Variants in WNT9A observed in about 807,000 individuals in gnomAD.
WNT9A encodes the protein protein Wnt-9a.
In WNT9A, 8 loss-of-function variants were observed where a neutral mutation model predicts 31.4. The observed-to-expected ratio is 0.26, with a 90% CI of 0.15 to 0.46. The LOEUF (loss-of-function observed/expected upper bound fraction) is 0.46. Among genes scored for constraint, WNT9A ranks in the 20% least tolerant of loss-of-function variants. The probability of loss-of-function intolerance (pLI) is 0.99; values close to 1 mark genes in which losing one functional copy is unlikely to be tolerated. For missense variants in WNT9A, 457 were observed against 522.9 expected, an observed-to-expected ratio of 0.87 and a Z score of 1.23; for synonymous variants, 236 against 220.1, an observed-to-expected ratio of 1.07 and a Z score of -0.64.
chr1:227,923,011 T>C (rs1666350463), intron 3 of WNT9A, among the ~76,000 whole-genome samples: 1 of 152,124 alleles, frequency 6.6e-6, no homozygotes, highest in South Asian at 2.1e-4. Context: ...TGTTCCGACT[T>C]CTCATTAATC....
chr1:227,947,693 C>T, intron 1 of WNT9A, 100 bp downstream of exon 1: 2 of 692,354 alleles, frequency 2.9e-6, no homozygotes, highest in Non-Finnish European at 1.8e-6. Context: ...CGCCGCGCCC[C>T]GGCCCCAGCC....
intron 1 of WNT9A, among the ~76,000 whole-genome samples, chr1:227,930,248 C>T (rs1320849837): frequency 6.6e-6 from 1 of 152,158 alleles, no homozygotes; most frequent in African/African-American, 2.4e-5. Context: ...CGAGTCGCGC[C>T]CCAGGTGTGC....
In WNT9A at chr1:227,920,510, C is replaced by T. The variant is rs1312157601; in HGVS notation, c.*1008G>A. 6.6e-6 allele frequency: 1 copy of T among 152,144 alleles called. No homozygotes were observed. Among genetic ancestry groups the T allele is most frequent in the Admixed American group, 6.5e-5 (1 of 15,282 alleles). 9.4% of individuals were successfully genotyped at this position (152,144 alleles called of 1,614,324 possible). A position where few individuals can be genotyped will look rare whatever the true frequency, so the allele number is the denominator to read the frequency against. The stretch of plus-strand genomic sequence containing the variant: ...CTGATATTTACTCCAAAGAGAAGTG[C>T]TCAACGTCAGAGGTCGGCAGTGTCC... On this transcript the variant is annotated 3_prime_UTR_variant, in exon 4 of 4. Coordinates refer to ENST00000272164, the MANE Select transcript of WNT9A (RefSeq NM_003395.4).
intron 1 of WNT9A, among the ~76,000 whole-genome samples, chr1:227,931,731 A>G (rs1666513531): frequency 1.3e-5 from 2 of 152,236 alleles, no homozygotes; most frequent in South Asian, 4.1e-4. Context: ...TACTTTAGTT[A>G]AAAACACTGG....
In WNT9A at chr1:227,925,917, G is replaced by A. The variant is rs1470775803; in HGVS notation, c.96-398C>T. ...GCCTGAATCCCAAACTATGCCTGAT[G>A]GGCGTCTGCCACATCCTCCACCCTC... On this transcript the variant is annotated intron_variant, in intron 1 of 3. Transcript: ENST00000272164. This position sits in a 1 kb window ranked among gnomAD's most constrained non-coding sequence, Gnocchi z 6.0. Among the ~76,000 whole-genome samples the A allele has an allele frequency of 6.6e-6, 1 of 152,034 alleles. No individual in the cohort carries two copies. The highest frequency in any genetic ancestry group is 2.4e-5 in the African/African-American group (1 of 41,400).
At chr1:227,937,974 C>T (rs577900098) in intron 1 of WNT9A, among the ~76,000 whole-genome samples, 17 of 152,332 alleles carry the variant, frequency 1.1e-4, no homozygotes, top group Admixed American at 1.1e-3. Context: ...CAGGCCTCAG[C>T]GCACACGTGG....
At chr1:227,933,587 T>G (rs1353303526) in intron 1 of WNT9A, among the ~76,000 whole-genome samples, 1 of 152,204 alleles carries the variant, frequency 6.6e-6, no homozygotes, top group Non-Finnish European at 1.5e-5. Context: ...TTAATCATTC[T>G]TCACTTTAAA....
At chr1:227,946,621 G>A (rs1030805243) in intron 1 of WNT9A, among the ~76,000 whole-genome samples, 1 of 152,234 alleles carries the variant, frequency 6.6e-6, no homozygotes, top group African/African-American at 2.4e-5. Flanking sequence ...CAGAAGAAAG[G>A]AACAGAGAGA....
chr1:227,935,979 C>A (rs1339888918), intron 1 of WNT9A, among the ~76,000 whole-genome samples: 1 of 152,176 alleles, frequency 6.6e-6, no homozygotes, highest in Non-Finnish European at 1.5e-5. Context: ...GGGGGCCCAA[C>A]AAGACACTGT....
At chr1:227,924,053 C>CG in intron 3 of WNT9A, 85 bp downstream of exon 3, 22 of 1,090,062 alleles carry the variant, frequency 2.0e-5, no homozygotes, top group East Asian at 3.0e-5. Context: ...GCTGCAGCCC[C>CG]GCCCCCAGTC....
rs1314444228 is a variant in WNT9A, at chr1:227,921,573, T to C, written c.1043A>G (p.Tyr348Cys). 2 of 1,613,374 alleles carry C rather than the reference T, an allele frequency of 1.2e-6. No homozygotes were observed. The highest frequency in any genetic ancestry group is 1.7e-6 in the Non-Finnish European group (2 of 1,179,972). ...PCQCQVRWCC[Y>C]VECRQCTQRE... The stretch of plus-strand genomic sequence containing the variant: ...CTGCGTGCACTGCCTGCACTCCACA[T>C]AGCAGCACCAACGCACCTGGCACTG... Residue 348 changes from tyrosine to cysteine, a missense_variant, in exon 4 of 4, where the codon TAT becomes TGT. Physicochemically the swap from Tyr to Cys is radical, Grantham distance 194. Coordinates refer to ENST00000272164, the MANE Select transcript of WNT9A (RefSeq NM_003395.4).
intron 1 of WNT9A, among the ~76,000 whole-genome samples, chr1:227,940,799 C>CG (rs1558264446): frequency 2.0e-5 from 3 of 152,242 alleles, no homozygotes; most frequent in Admixed American, 1.3e-4. Context: ...CTTCCTCTGG[C>CG]GGGCAGCGGC....
In WNT9A at chr1:227,921,535, A is replaced by G. The variant is rs1315615828; in HGVS notation, c.1081T>C (p.Tyr361His). The G allele has an allele frequency of 6.2e-7, 1 of 1,610,408 alleles. No individual in the cohort carries two copies. Residue 361 changes from tyrosine to histidine, a missense_variant, in exon 4 of 4, where the codon TAC (tyrosine) becomes CAC (histidine). Physicochemically the swap from Tyr to His is moderately conservative, Grantham distance 83 (BLOSUM62 2). Coordinates refer to ENST00000272164, the MANE Select transcript of WNT9A (RefSeq NM_003395.4). ...CRQCTQREEV[Y>H]TCKG ...CTGGGAACTCAGCCCTTGCAGGTGTAGACCTCCTCACGCTGCGTGCACTGC... is the reference window on the plus strand; with the variant it reads ...CTGGGAACTCAGCCCTTGCAGGTGTGGACCTCCTCACGCTGCGTGCACTGC...
At position 227,924,136 on chromosome 1, in the gene WNT9A, G is replaced by A. The variant is rs901829944; in HGVS notation, c.615+2C>T. The A allele has an allele frequency of 1.6e-5, 9 of 557,818 alleles. No individual in the cohort carries two copies. Among genetic ancestry groups the A allele is most frequent in the Non-Finnish European group, 2.5e-5 (9 of 354,136 alleles). The allele number at this position is 557,818 out of a possible 1,614,324, so 34.6% of individuals were successfully genotyped here. A position where few individuals can be genotyped will look rare whatever the true frequency, so the allele number is the denominator to read the frequency against. On this transcript the variant is annotated splice_donor_variant, in intron 3 of 3. Transcript: ENST00000272164. LOFTEE classifies it low-confidence loss of function (GC_TO_GT_DONOR). ...CCACCCCGCCAGCCCCACCCCACTT[G>A]CCTTCACACCCACGAGGTTGTTGTG...
At position 227,919,662 on chromosome 1, in the gene WNT9A, A is replaced by G. The variant is rs1666272497; in HGVS notation, c.*1856T>C. The G allele has an allele frequency of 6.7e-6, 1 of 148,434 alleles. No homozygotes were observed. The highest frequency in any genetic ancestry group is 2.2e-4 in the South Asian group (1 of 4,632). The allele number at this position is 148,434 out of a possible 1,614,324, so 9.2% of individuals were successfully genotyped here. A position where few individuals can be genotyped will look rare whatever the true frequency, so the allele number is the denominator to read the frequency against. ...ACCGCCATGCCACTGACAGCACAGC[A>G]CAGCCAAGCTGACCATGCCAGTATA... is the stretch of plus-strand genomic sequence containing the variant. On this transcript the variant is annotated 3_prime_UTR_variant, in exon 4 of 4. Coordinates refer to ENST00000272164, the MANE Select transcript of WNT9A (RefSeq NM_003395.4).
rs766669637 is a variant in WNT9A at position 227,925,293 on chromosome 1, C to T, written c.322G>A (p.Gly108Ser). Residue 108 changes from glycine to serine, a missense_variant, in exon 2 of 4, where the codon GGC becomes AGC. Physicochemically the swap from Gly to Ser is moderately conservative, Grantham distance 56. Transcript: ENST00000272164. The surrounding 1 kb of genome is among the most constrained non-coding windows in gnomAD (Gnocchi z 6.0). ...RFERWNCTLE[G>S]RYRASLLKRG... Reference sequence around the variant, plus strand: ...TTGAGCAGGCTGGCCCGGTAGCGGCCCTCCAGCGTGCAGTTCCAGCGCTCA... The same window carrying T: ...TTGAGCAGGCTGGCCCGGTAGCGGCTCTCCAGCGTGCAGTTCCAGCGCTCA... The T allele has an allele frequency of 6.3e-7, 1 of 1,576,378 alleles. No homozygotes were observed. Among genetic ancestry groups the T allele is most frequent in the Non-Finnish European group, 8.6e-7 (1 of 1,161,676 alleles).
At position 227,921,692 on chromosome 1, in the gene WNT9A, G is replaced by A. The variant is rs115133140; in HGVS notation, c.924C>T (p.Thr308=). 1.5e-5 allele frequency: 24 copies of A among 1,612,930 alleles called. No homozygotes were observed. Among genetic ancestry groups the A allele is most frequent in the East Asian group, 2.2e-5 (1 of 44,872 alleles). ...TCTCACGGTGGCACCTACGGCCAGC[G>A]GTGCCCGGGGAGAAGCGGCCAGCCA... ...FCLAGRFSPG[T]AGRRCHREKN... The change falls in exon 4 of 4, where the codon ACC becomes ACT. Residue 308 remains threonine, a synonymous_variant. Coordinates refer to ENST00000272164, the MANE Select transcript of WNT9A (RefSeq NM_003395.4).
rs1666307360 is a variant in WNT9A at position 227,921,284 on chromosome 1, A to G, written c.*234T>C. 3.3e-6 allele frequency: 2 copies of G among 611,502 alleles called. No individual in the cohort carries two copies. The highest frequency in any genetic ancestry group is 2.3e-5 in the South Asian group (1 of 43,732). 37.9% of individuals were successfully genotyped at this position (611,502 alleles called of 1,614,324 possible). A position where few individuals can be genotyped will look rare whatever the true frequency, so the allele number is the denominator to read the frequency against. ...GTGTAGGCCCATTCATGCTCTGTGC[A>G]ATGCCTGCACCCCATGCAGCTAGGA... On this transcript the variant is annotated 3_prime_UTR_variant, in exon 4 of 4. Coordinates refer to ENST00000272164, the MANE Select transcript of WNT9A (RefSeq NM_003395.4).
intron 1 of WNT9A, among the ~76,000 whole-genome samples, chr1:227,931,677 C>CT (rs1271190145): frequency 3.3e-5 from 5 of 152,178 alleles, no homozygotes; most frequent in Non-Finnish European, 5.9e-5. Context: ...ACACTACAGT[C>CT]TTTAAGTGAG....
Sources: allele counts gnomAD v4.1 joint callset (sites outside exome capture counted in the v4.1 genomes callset), GRCh38; gene constraint gnomAD v4.1.1; non-coding constraint Gnocchi (gnomAD v3.1); transcripts MANE v1.5; gene names NCBI Gene and HGNC (gene_info 2026-07-23, HGNC 2026-07-21).